ZNG1A: variants seen among roughly 807,000 people sequenced by gnomAD.
ZNG1A encodes the protein Zn regulated GTPase metalloprotein activator 1A, also known as zinc-regulated GTPase metalloprotein activator 1A.
chr9:172,090 C>T, the ZNG1A span: 1 of 1,611,082 alleles, frequency 6.2e-7, no homozygotes. Context: ...CCAGGGTCTG[C>T]TAATCCAGTG....
the ZNG1A span, chr9:153,642 A>AT: frequency 6.6e-6 from 1 of 151,970 alleles, no homozygotes; most frequent in Non-Finnish European, 1.5e-5. Flanking sequence ...GAGACATTAT[A>AT]TTTTTTTATA....
At chr9:155,481 T>C in the ZNG1A span, among the ~76,000 whole-genome samples, 16 of 152,196 alleles carry the variant, frequency 1.1e-4, no homozygotes, top group Middle Eastern at 3.4e-3. Context: ...ATGTCTTCTT[T>C]ATCACTATAA....
the ZNG1A span, chr9:146,680 G>A: frequency 1.4e-5 from 2 of 145,694 alleles, no homozygotes; most frequent in Non-Finnish European, 3.0e-5. Flanking sequence ...CTGCATGTAG[G>A]AAGAAAATTC....
the ZNG1A span, among the ~76,000 whole-genome samples, chr9:137,724 A>ATTG: frequency 2.1e-5 from 3 of 144,686 alleles, no homozygotes; most frequent in Admixed American, 7.1e-5. Context: ...TCCCTAGTAA[A>ATTG]GCCAGAACTA....
At chr9:127,510 T>C in the ZNG1A span, among the ~76,000 whole-genome samples, 1 of 152,228 alleles carries the variant, frequency 6.6e-6, no homozygotes, top group Non-Finnish European at 1.5e-5. Flanking sequence ...CTGCTCACAT[T>C]TGGTGTCCGT....
chr9:139,511 T>C, the ZNG1A span, among the ~76,000 whole-genome samples: 1 of 148,136 alleles, frequency 6.8e-6, no homozygotes, highest in Non-Finnish European at 1.5e-5. Flanking sequence ...GTAGATCTCA[T>C]GTTAGATGTT....
chr9:145,917 G>C, the ZNG1A span, among the ~76,000 whole-genome samples: 2 of 150,792 alleles, frequency 1.3e-5, no homozygotes, highest in Non-Finnish European at 3.0e-5. Context: ...ACAGGAAAAT[G>C]CAATATGATT....
the ZNG1A span, among the ~76,000 whole-genome samples, chr9:178,464 ACAGGTATTTCTCCATTTT>A: frequency 9.0e-6 from 1 of 111,482 alleles, no homozygotes; most frequent in African/African-American, 2.7e-5. Flanking sequence ...TTCACAGGTG[ACAGGTATTTCTCCATTTT>A]CAGGTGAGGT....
the ZNG1A span, among the ~76,000 whole-genome samples, chr9:160,323 C>T: frequency 1.5e-4 from 23 of 151,936 alleles, no homozygotes; most frequent in South Asian, 4.6e-3. Context: ...TGCCCATTAT[C>T]CAAGTGTCAT....
the ZNG1A span, chr9:172,365 T>C: frequency 6.2e-3 from 3,645 of 590,470 alleles, 93 homozygotes; most frequent in African/African-American, 0.06. Context: ...GATGCATATA[T>C]ATAATAGGTA....
At chr9:133,241 C>A in the ZNG1A span, among the ~76,000 whole-genome samples, 1 of 130,502 alleles carries the variant, frequency 7.7e-6, no homozygotes, top group African/African-American at 3.0e-5. Flanking sequence ...AGCCCTTTGG[C>A]TGTGATACTA....
At chr9:139,188 T>C in the ZNG1A span, among the ~76,000 whole-genome samples, 1,967 of 149,938 alleles carry the variant, frequency 0.013, 20 homozygotes, top group South Asian at 0.024. Context: ...TTATTCAGAC[T>C]TAAAAAGGAA....
the ZNG1A span, among the ~76,000 whole-genome samples, chr9:142,920 A>T: frequency 5.9e-5 from 7 of 117,652 alleles, no homozygotes; most frequent in African/African-American, 2.7e-4. Flanking sequence ...AAACACCTCT[A>T]CGCAAATAAA....
chr9:170,378 CGCATGT>C, the ZNG1A span, among the ~76,000 whole-genome samples: 6 of 134,830 alleles, frequency 4.5e-5, no homozygotes, highest in Non-Finnish European at 6.2e-5. Flanking sequence ...TGTGTGTGTG[CGCATGT>C]GCATGTGCGT....
the ZNG1A span, chr9:153,206 T>C: frequency 6.6e-6 from 1 of 152,140 alleles, no homozygotes; most frequent in Non-Finnish European, 1.5e-5. Flanking sequence ...AAATAGATTG[T>C]GTTCTTCTTA....
At chr9:159,680 C>T in the ZNG1A span, among the ~76,000 whole-genome samples, 2 of 149,654 alleles carry the variant, frequency 1.3e-5, no homozygotes, top group African/African-American at 2.5e-5. Context: ...AGAAAGAAGC[C>T]GGACCGAAAA....
At chr9:178,677 C>T in the ZNG1A span, 1 of 909,060 alleles carries the variant, frequency 1.1e-6, no homozygotes, top group East Asian at 2.6e-5. Context: ...ATACGAGAAG[C>T]AAGTGACCCA....
the ZNG1A span, chr9:163,844 G>A: frequency 1.8e-6 from 2 of 1,100,370 alleles, no homozygotes; most frequent in Non-Finnish European, 2.6e-6. Context: ...TTGAACCCAG[G>A]AGGTAAAGGT....
chr9:175,009 A>G, the ZNG1A span, among the ~76,000 whole-genome samples: 1 of 152,130 alleles, frequency 6.6e-6, no homozygotes, highest in Non-Finnish European at 1.5e-5. Context: ...AAGTTAACTA[A>G]TAACAGAAGC....
Sources: gnomAD v4.1 joint callset for allele counts (sites outside exome capture counted in the v4.1 genomes callset) on GRCh38, gnomAD v4.1.1 for gene constraint, MANE v1.5 for transcripts, NCBI Gene and HGNC (gene_info 2026-07-23, HGNC 2026-07-21) for gene names.